Variants in ATRN observed in about 807,000 individuals in gnomAD.
ATRN encodes attractin-2.
In ATRN, 54 loss-of-function variants were observed where a neutral mutation model predicts 178.7. The observed-to-expected ratio is 0.30, with a 90% CI of 0.24 to 0.38. The LOEUF (loss-of-function observed/expected upper bound fraction) is 0.38, where lower values mean the gene tolerates loss of function less well. Among genes scored for constraint, ATRN ranks in the 10% least tolerant of loss-of-function variants. ATRN has a pLI of 1.00. For missense variants in ATRN, 1,443 were observed against 1,815.1 expected (o/e 0.79, Z 3.73); for synonymous variants, 636 against 663.0 (o/e 0.96, Z 0.63).
At chr20:3,490,288 A>C in intron 1 of ATRN, 1 of 1,154,096 alleles carries the variant, frequency 8.7e-7, no homozygotes, top group Non-Finnish European at 1.3e-6. Context: ...CGGAGAGGTC[A>C]AGATGGGCTC....
chr20:3,562,674 A>G (rs939572893), intron 9 of ATRN, among the ~76,000 whole-genome samples: 1 of 152,226 alleles, frequency 6.6e-6, no homozygotes, highest in Non-Finnish European at 1.5e-5. Flanking sequence ...TGGTTAGAAA[A>G]TACTTAGAGT....
chr20:3,527,051 A>G (rs1212504803), intron 1 of ATRN, among the ~76,000 whole-genome samples: 1 of 152,224 alleles, frequency 6.6e-6, no homozygotes, highest in Non-Finnish European at 1.5e-5. Flanking sequence ...CACCAAAGGC[A>G]AAGGCAACAA....
At chr20:3,510,105 A>G (rs568301360) in intron 1 of ATRN, among the ~76,000 whole-genome samples, 14 of 152,234 alleles carry the variant, frequency 9.2e-5, no homozygotes, top group Admixed American at 6.5e-4. Context: ...TACAGTTTTT[A>G]CCTTCAATAT....
At chr20:3,553,497 A>G (rs1268107578) in intron 6 of ATRN, among the ~76,000 whole-genome samples, 1 of 152,208 alleles carries the variant, frequency 6.6e-6, no homozygotes, top group Non-Finnish European at 1.5e-5. Context: ...ATTGCTAAAC[A>G]TGAACTGGGG....
At position 3,528,364 on chromosome 20, in the gene ATRN, C is replaced by T. The variant is rs1171197366; in HGVS notation, c.411-6889C>T. On this transcript the variant is annotated intron_variant, in intron 1 of 28. Transcript: ENST00000262919. ...CCTGGGCAACAGGGCGAAACTCCGT[C>T]TCAAAAAAAAAAAATGTGGTACATA... is the stretch of plus-strand genomic sequence containing the variant. Among the ~76,000 whole-genome samples the T allele has an allele frequency of 4.3e-5, 6 of 139,318 alleles. No individual in the cohort carries two copies. The East Asian group carries it at 1.2e-3, about 27-fold the overall frequency. 91.4% of individuals were successfully genotyped at this position (139,318 alleles called of 152,430 possible). A position where few individuals can be genotyped will look rare whatever the true frequency, so the allele number is the denominator to read the frequency against.
chr20:3,488,481 ACCTTT>A (rs2084730112), intron 1 of ATRN, among the ~76,000 whole-genome samples: 1 of 152,144 alleles, frequency 6.6e-6, no homozygotes, highest in South Asian at 2.1e-4. Flanking sequence ...TTTTGAGAAG[ACCTTT>A]CTTTTCCCAG....
rs1473561744 is a variant in ATRN at position 3,582,326 on chromosome 20, A to C, written c.2736A>C (p.Pro912=). 6.2e-7 allele frequency: 1 copy of C among 1,612,248 alleles called. No individual in the cohort carries two copies. The change falls in exon 16 of 29, where the codon CCA becomes CCC. Residue 912 remains proline (P), a synonymous_variant. Transcript: ENST00000262919. ...TGAAGGCTGCAACCTGCATCAACCC[A>C]CTCAATGGTAGTGTCTGTGAAAGGC... ...RGLKAATCIN[P]LNGSVCERPA... is the part of the protein sequence containing the mutation.
At chr20:3,472,041 G>T (rs1465840240) in intron 1 of ATRN, among the ~76,000 whole-genome samples, 2 of 152,180 alleles carry the variant, frequency 1.3e-5, no homozygotes, top group African/African-American at 4.8e-5. Context: ...GGGATAGAAG[G>T]ACCAGTGGTC....
At chr20:3,511,881 A>G (rs1568697592) in intron 1 of ATRN, among the ~76,000 whole-genome samples, 1 of 152,022 alleles carries the variant, frequency 6.6e-6, no homozygotes, top group Non-Finnish European at 1.5e-5. Flanking sequence ...TAGAACTACA[A>G]TCTGAAAAAT....
chr20:3,484,319 C>T (rs1049572914), intron 1 of ATRN, among the ~76,000 whole-genome samples: 5 of 151,248 alleles, frequency 3.3e-5, no homozygotes, highest in Non-Finnish European at 5.9e-5. Flanking sequence ...TCCTTTATGG[C>T]TTGTCCTTTT....
At chr20:3,519,240 C>A (rs961891120) in intron 1 of ATRN, among the ~76,000 whole-genome samples, 1 of 152,136 alleles carries the variant, frequency 6.6e-6, no homozygotes, top group Non-Finnish European at 1.5e-5. Context: ...GTGCTTGAGG[C>A]TGAAGCAGTA....
intron 1 of ATRN, chr20:3,489,501 C>T: frequency 1.6e-6 from 2 of 1,260,674 alleles, no homozygotes; most frequent in South Asian, 2.4e-5. Flanking sequence ...CCTGGGCTAG[C>T]CCAAAAGCTG....
At chr20:3,622,926 G>A (rs938996817) in intron 24 of ATRN, among the ~76,000 whole-genome samples, 3 of 152,220 alleles carry the variant, frequency 2.0e-5, no homozygotes, top group African/African-American at 7.2e-5. Context: ...GAGGAGTGTT[G>A]TGTGGCACAG....
chr20:3,481,171 C>T (rs967727125), intron 1 of ATRN, among the ~76,000 whole-genome samples: 2 of 152,064 alleles, frequency 1.3e-5, no homozygotes, highest in African/African-American at 2.4e-5. Flanking sequence ...TTATTATTAA[C>T]GTGACTTCCT....
At chr20:3,490,441 A>G (rs1221448960) in intron 1 of ATRN, 4 of 932,150 alleles carry the variant, frequency 4.3e-6, no homozygotes, top group Non-Finnish European at 7.2e-6. Context: ...GTAATCCTGA[A>G]GTTACTCAAG....
chr20:3,640,301 A>C (rs144786853), intron 27 of ATRN, among the ~76,000 whole-genome samples: 299 of 152,354 alleles, frequency 2.0e-3, no homozygotes, highest in African/African-American at 6.2e-3. Context: ...AATCTGAAAA[A>C]AGTACGCAGA....
intron 19 of ATRN, among the ~76,000 whole-genome samples, chr20:3,593,117 C>T (rs1305977584): frequency 6.6e-6 from 1 of 152,160 alleles, no homozygotes; most frequent in Non-Finnish European, 1.5e-5. Context: ...AGAACCACGC[C>T]CAGTCTGTGC....
intron 7 of ATRN, 46 bp downstream of exon 7, chr20:3,559,529 C>T (rs1277762292): frequency 2.0e-6 from 3 of 1,477,558 alleles, no homozygotes; most frequent in South Asian, 2.3e-5. Flanking sequence ...AAGTTTTCCT[C>T]AGTTACTTCA....
intron 27 of ATRN, among the ~76,000 whole-genome samples, chr20:3,641,226 C>A (rs1465907128): frequency 1.3e-5 from 2 of 152,054 alleles, no homozygotes; most frequent in African/African-American, 4.8e-5. Context: ...TACTTAATAC[C>A]ACTGAACTGT....
Sources: allele counts gnomAD v4.1 joint callset (sites outside exome capture counted in the v4.1 genomes callset), GRCh38; gene constraint gnomAD v4.1.1; transcripts MANE v1.5; gene names NCBI Gene and HGNC (gene_info 2026-07-23, HGNC 2026-07-21).